Variants in INSR observed in about 807,000 individuals in gnomAD.
INSR encodes IR.
INSR carries 67 observed loss-of-function variants against 142.6 expected under a neutral mutation model. That is an observed-to-expected ratio of 0.47 (90% CI 0.39 to 0.58). INSR has a LOEUF of 0.58. Among genes scored for constraint, INSR ranks in the 20% least tolerant of loss-of-function variants. INSR has a pLI of 0.00. For synonymous variants in INSR, 756 were observed against 743.1 expected (o/e 1.02, Z -0.28); for missense variants, 1,248 against 1,833.2 (o/e 0.68, Z 5.83).
chr19:7,170,882 C>T lies in INSR; in HGVS notation c.1269-131G>A, dbSNP rs1974002101. 2.2e-5 allele frequency: 17 copies of T among 785,330 alleles called. No individual in the cohort carries two copies. The East Asian group carries it at 3.7e-4, about 17-fold the overall frequency. 48.6% of individuals were successfully genotyped at this position (785,330 alleles called of 1,614,324 possible). On this transcript the variant is annotated intron_variant, in intron 5 of 21. Transcript: ENST00000302850. The stretch of plus-strand genomic sequence containing the variant: ...ATCCTCTCCACTTGCTTGGCACATA[C>T]TCAACACATATTTGTTGAATGTGGA...
chr19:7,122,194 A>T (rs1258527214), intron 19 of INSR, among the ~76,000 whole-genome samples: 2 of 151,698 alleles, frequency 1.3e-5, no homozygotes, highest in African/African-American at 4.8e-5. Flanking sequence ...CTGTAATCCC[A>T]GCACTTTGGG....
chr19:7,174,487 AC>A, intron 4 of INSR, 95 bp downstream of exon 4: 1 of 1,374,180 alleles, frequency 7.3e-7, no homozygotes, highest in Non-Finnish European at 1.0e-6. Context: ...CTGTAGGAGC[AC>A]GCAGCAGGGT....
chr19:7,132,375 C>A (rs1972808285), intron 13 of INSR, 58 bp from the exon 14 acceptor site: 1 of 1,577,286 alleles, frequency 6.3e-7, no homozygotes, highest in Non-Finnish European at 8.6e-7. Flanking sequence ...CTGGGAGTGT[C>A]CACCCCTCGC....
chr19:7,239,295 C>T (rs1568211086), intron 2 of INSR, among the ~76,000 whole-genome samples: 1 of 76,444 alleles, frequency 1.3e-5, no homozygotes, highest in East Asian at 3.3e-4. Flanking sequence ...AAAGGCCCAG[C>T]CCCCCCACCC....
At chr19:7,146,363 T>C (rs564108290) in intron 11 of INSR, among the ~76,000 whole-genome samples, 123 of 149,756 alleles carry the variant, frequency 8.2e-4, no homozygotes, top group South Asian at 7.0e-3. Context: ...TGGCTCAGCC[T>C]CCCAAGTAGC....
At chr19:7,148,555 G>A (rs1217551709) in intron 11 of INSR, among the ~76,000 whole-genome samples, 2 of 127,912 alleles carry the variant, frequency 1.6e-5, no homozygotes, top group African/African-American at 3.0e-5. Context: ...TCGGCTCACC[G>A]CAACCTCCGC....
intron 9 of INSR, among the ~76,000 whole-genome samples, chr19:7,154,468 A>C (rs1479579240): frequency 6.7e-6 from 1 of 149,510 alleles, no homozygotes; most frequent in Non-Finnish European, 1.5e-5. Context: ...ACGCCCGGCT[A>C]ATTTGTTGTA....
rs1369697132 is a variant in INSR, at chr19:7,166,049, C to T, written c.1861+105G>A. ...ACCCTGTCTAAAAAAAAAAAAAAAG[C>T]CAATAACCATATCAAGGAGCATTTT... On this transcript the variant is annotated intron_variant, in intron 8 of 21. Transcript: ENST00000302850. This position sits in a 1 kb window ranked among gnomAD's most constrained non-coding sequence, Gnocchi z 4.1. 1.0e-5 allele frequency: 13 copies of T among 1,302,726 alleles called. No individual in the cohort carries two copies. In the East Asian group the frequency reaches 2.8e-4, roughly 28 times the overall value. 80.7% of individuals were successfully genotyped at this position (1,302,726 alleles called of 1,614,324 possible).
chr19:7,170,644 G>A lies in INSR; in HGVS notation c.1376C>T (p.Pro459Leu). Reference protein sequence around the residue: ...TQGKLFFHYNPKLCLSEIHKM... With the variant: ...TQGKLFFHYNLKLCLSEIHKM... ...GTGGATTTCTGACAAGCAGAGTTTG[G>A]GGTTATAGTGGAAGAAGAGTTTCCC... The change falls in exon 6 of 22, where the codon CCC becomes CTC. Residue 459 changes from proline (P) to leucine (L), a missense_variant. Pro to Leu is a moderately conservative substitution (Grantham distance 98, BLOSUM62 -3). Transcript: ENST00000302850. 6.2e-7 allele frequency: 1 copy of A among 1,613,940 alleles called. No homozygotes were observed. The highest frequency in any genetic ancestry group is 8.5e-7 in the Non-Finnish European group (1 of 1,179,978).
chr19:7,268,242 T>C (rs1408881444), intron 1 of INSR, among the ~76,000 whole-genome samples: 1 of 151,946 alleles, frequency 6.6e-6, no homozygotes, highest in Non-Finnish European at 1.5e-5. Context: ...CTCCAGTGCG[T>C]CAACATAGAA....
chr19:7,163,948 A>AAAAAT (rs1411048837), intron 8 of INSR, among the ~76,000 whole-genome samples: 1 of 136,138 alleles, frequency 7.3e-6, no homozygotes, highest in Non-Finnish European at 1.5e-5. Flanking sequence ...AAAAAAAAAA[A>AAAAAT]ATTAGCTGGA....
Position 7,262,332 on chromosome 19 carries a change from C to T in INSR, c.652+5013G>A, listed in dbSNP as rs538966284. 2.0e-5 allele frequency among the ~76,000 whole-genome samples: 3 copies of T among 152,214 alleles called. No individual in the cohort carries two copies. The East Asian group carries it at 5.8e-4, about 29-fold the overall frequency. On this transcript the variant is annotated intron_variant, in intron 2 of 21. Coordinates refer to ENST00000302850, the MANE Select transcript of INSR (RefSeq NM_000208.4). The stretch of plus-strand genomic sequence containing the variant: ...CTAAAAATCCAAAACATTAACTGGG[C>T]GTGGTGGCAGGTGCCCGTAATCCGA...
chr19:7,289,089 G>A (rs549934379), intron 1 of INSR, among the ~76,000 whole-genome samples: 2 of 152,238 alleles, frequency 1.3e-5, no homozygotes, highest in East Asian at 1.9e-4. Flanking sequence ...CAGGTGAGAC[G>A]GGAGACACAG....
rs774142594 is a variant in INSR at position 7,159,060 on chromosome 19, A to G, written c.2029+3972T>C. On this transcript the variant is annotated intron_variant, in intron 9 of 21. Coordinates refer to ENST00000302850, the MANE Select transcript of INSR (RefSeq NM_000208.4). This position sits in a 1 kb window ranked among gnomAD's most constrained non-coding sequence, Gnocchi z 4.3. ...TGGGATTACAGGCACCCACCACCAC[A>G]CCCAACTAATTTTTGTATTTTTAGT... Among the ~76,000 whole-genome samples, 9 of 151,688 alleles carry G rather than the reference A, an allele frequency of 5.9e-5. No homozygotes were observed. The highest frequency in any genetic ancestry group is 1.0e-4 in the Non-Finnish European group (7 of 67,954).
At chr19:7,133,064 C>T (rs1032859385) in intron 13 of INSR, among the ~76,000 whole-genome samples, 1 of 151,898 alleles carries the variant, frequency 6.6e-6, no homozygotes, top group African/African-American at 2.4e-5. Flanking sequence ...GAGTTAGAGA[C>T]CAACCTGGGC....
rs1165831202 is a variant in INSR at position 7,114,871 on chromosome 19, A to G, written c.*2185T>C. The G allele has an allele frequency of 2.0e-5, 3 of 151,992 alleles. No individual in the cohort carries two copies. The highest frequency in any genetic ancestry group is 4.4e-5 in the Non-Finnish European group (3 of 68,012). The allele number at this position is 151,992 out of a possible 1,614,324, so 9.4% of individuals were successfully genotyped here. On this transcript the variant is annotated 3_prime_UTR_variant, in exon 22 of 22. Transcript: ENST00000302850. ...GCTAGTGTAGTATACAACCACTACAAATTTACTAAGAAGAGAACAAAATAC... is the reference window on the plus strand; with the variant it reads ...GCTAGTGTAGTATACAACCACTACAGATTTACTAAGAAGAGAACAAAATAC...
At chr19:7,201,810 G>T (rs62111431) in intron 2 of INSR, among the ~76,000 whole-genome samples, 112,146 of 147,918 alleles carry the variant, frequency 0.76, 42,724 homozygotes, top group African/African-American at 0.8. Context: ...CTACAGGCGC[G>T]GCCACCACGC....
At chr19:7,163,235 A>C in intron 8 of INSR, 36 bp from the exon 9 acceptor site, 2 of 1,586,296 alleles carry the variant, frequency 1.3e-6, no homozygotes, top group South Asian at 2.2e-5. Context: ...CATCATGAGA[A>C]ACAGTGTGCA....
At chr19:7,229,360 G>A (rs546759003) in intron 2 of INSR, among the ~76,000 whole-genome samples, 1 of 147,912 alleles carries the variant, frequency 6.8e-6, no homozygotes, top group East Asian at 2.1e-4. Flanking sequence ...ATGGATGGAT[G>A]GATGGATAGA....
Sources: gnomAD v4.1 joint callset for allele counts (sites outside exome capture counted in the v4.1 genomes callset) on GRCh38, gnomAD v4.1.1 for gene constraint, Gnocchi (gnomAD v3.1) non-coding constraint, MANE v1.5 for transcripts, NCBI Gene and HGNC (gene_info 2026-07-23, HGNC 2026-07-21) for gene names.